Variants in BRWD1 observed in about 807,000 individuals in gnomAD.
BRWD1 encodes bromodomain and WD repeat-containing protein 1.
A neutral mutation model predicts 251.2 loss-of-function variants in BRWD1; 82 were observed. The observed-to-expected ratio is 0.33, with a 90% CI of 0.27 to 0.39. The LOEUF is 0.39. Among genes scored for constraint, BRWD1 ranks in the 10% least tolerant of loss-of-function variants. BRWD1 has a pLI of 1.00. For missense variants in BRWD1, 2,233 were observed against 2,711.6 expected (o/e 0.82, Z 3.92); for synonymous variants, 918 against 902.8 (o/e 1.02, Z -0.30).
intron 32 of BRWD1, among the ~76,000 whole-genome samples, chr21:39,214,903 C>CA (rs2032819474): frequency 8.3e-6 from 1 of 121,182 alleles, no homozygotes; most frequent in African/African-American, 3.2e-5. Flanking sequence ...TTTCTGGAGA[C>CA]AGAGTTTTGC....
intron 26 of BRWD1, 69 bp downstream of exon 26, chr21:39,229,243 G>T: frequency 2.2e-6 from 3 of 1,346,472 alleles, no homozygotes; most frequent in South Asian, 1.2e-5. Flanking sequence ...GGAAGGGCAT[G>T]CTAATCATTC....
Position 39,279,638 on chromosome 21 carries a change from C to CA in BRWD1, c.932+509dup, listed in dbSNP as rs77282416. The stretch of plus-strand genomic sequence containing the variant: ...TGGGCAACAGAGTGAGACTCCATCT[C>CA]AAAAAAAAAAAAAAAAAAGAAAAAA... On this transcript the variant is annotated intron_variant, in intron 9 of 40. Transcript: ENST00000342449. 7.7e-3 allele frequency among the ~76,000 whole-genome samples: 509 copies of CA among 66,468 alleles called. 2 individuals carry two copies. Among genetic ancestry groups the CA allele is most frequent in the East Asian group, 0.013 (16 of 1,214 alleles). 43.6% of individuals were successfully genotyped at this position (66,468 alleles called of 152,430 possible).
Position 39,190,471 on chromosome 21 carries a change from G to A in BRWD1, c.*5788C>T, listed in dbSNP as rs1302724115. ...AACTCCTAGAATCTTGACATTATTG[G>A]TTGCTGTGGTTGGTGGATAAATCAA... On this transcript the variant is annotated 3_prime_UTR_variant, in exon 41 of 41. Coordinates refer to ENST00000342449, the MANE Select transcript of BRWD1 (RefSeq NM_033656.4). The A allele has an allele frequency of 4.1e-6, 4 of 985,148 alleles. No homozygotes were observed. Among genetic ancestry groups the A allele is most frequent in the Non-Finnish European group, 4.8e-6 (4 of 829,890 alleles). The allele number at this position is 985,148 out of a possible 1,614,324, so 61.0% of individuals were successfully genotyped here.
At chr21:39,227,448 A>G (rs375680217) in intron 27 of BRWD1, among the ~76,000 whole-genome samples, 17 of 152,246 alleles carry the variant, frequency 1.1e-4, no homozygotes, top group African/African-American at 3.9e-4. Context: ...TCAATCATCA[A>G]TTATATCCTG....
intron 40 of BRWD1, 88 bp from the exon 41 acceptor site, chr21:39,197,503 AT>A (rs2031884671): frequency 8.9e-7 from 1 of 1,126,970 alleles, no homozygotes; most frequent in African/African-American, 1.6e-5. Context: ...CAGAATTCGT[AT>A]TAATTTGAAG....
Position 39,187,159 on chromosome 21 carries a change from T to G in BRWD1, c.*9100A>C. ...TTTATAAACATTCAGTAATTTTTTCTTAGCCGCAGCAGAAGCATTTCGATG... is the reference window on the plus strand; with the variant it reads ...TTTATAAACATTCAGTAATTTTTTCGTAGCCGCAGCAGAAGCATTTCGATG... On this transcript the variant is annotated 3_prime_UTR_variant, in exon 41 of 41. Transcript: ENST00000342449. 1 of 1,613,860 alleles carries G rather than the reference T, an allele frequency of 6.2e-7. No individual in the cohort carries two copies. Among genetic ancestry groups the G allele is most frequent in the African/African-American group, 1.3e-5 (1 of 75,028 alleles).
chr21:39,197,428 G>C lies in BRWD1; in HGVS notation c.5654-13C>G, dbSNP rs758919153. On this transcript the variant is annotated splice_polypyrimidine_tract_variant and intron_variant, in intron 40 of 40. Coordinates refer to ENST00000342449, the MANE Select transcript of BRWD1 (RefSeq NM_033656.4). ...TGTGATGCAGAATCTAAAAGTTAAA[G>C]AGCAGATTTCTATTAATCTTTTGTA... 2 of 1,533,340 alleles carry C rather than the reference G, an allele frequency of 1.3e-6. No homozygotes were observed. Among genetic ancestry groups the C allele is most frequent in the African/African-American group, 1.4e-5 (1 of 71,816 alleles). 95.0% of individuals were successfully genotyped at this position (1,533,340 alleles called of 1,614,324 possible).
At chr21:39,245,337 A>G (rs1338266818) in intron 21 of BRWD1, among the ~76,000 whole-genome samples, 2 of 152,168 alleles carry the variant, frequency 1.3e-5, no homozygotes, top group African/African-American at 4.8e-5. Flanking sequence ...TGCATTACTG[A>G]TTAAATTAAT....
intron 3 of BRWD1, 82 bp from the exon 4 acceptor site, chr21:39,312,982 G>GGGCGGGGGGCCGGGGGCA: frequency 2.1e-6 from 2 of 964,526 alleles, no homozygotes; most frequent in Non-Finnish European, 2.6e-6. Context: ...GGCGGGCGGC[G>GGGCGGGGGGCCGGGGGCA]GGCGGCGGGC....
At chr21:39,212,131 G>A (rs185861127) in intron 34 of BRWD1, among the ~76,000 whole-genome samples, 1 of 152,090 alleles carries the variant, frequency 6.6e-6, no homozygotes, top group Admixed American at 6.5e-5. Flanking sequence ...TCCATTCCAA[G>A]CAAATATCCT....
At chr21:39,302,457 T>C (rs2036150235) in intron 4 of BRWD1, among the ~76,000 whole-genome samples, 1 of 152,120 alleles carries the variant, frequency 6.6e-6, no homozygotes, top group Non-Finnish European at 1.5e-5. Context: ...GAAACTTTTA[T>C]AATATGTGGT....
chr21:39,266,821 T>G (rs754562713), intron 15 of BRWD1, among the ~76,000 whole-genome samples: 94 of 152,242 alleles, frequency 6.2e-4, no homozygotes, highest in Non-Finnish European at 1.6e-4. Context: ...GCCTCTTAGC[T>G]GAGCAGTAAG....
In BRWD1 at chr21:39,187,702, CATAT is replaced by C. The variant is rs370116366; in HGVS notation, c.*8553_*8556del. The C allele has an allele frequency of 2.2e-4, 218 of 985,236 alleles. No homozygotes were observed. The African/African-American group carries it at 3.7e-3, about 17-fold the overall frequency. 61.0% of individuals were successfully genotyped at this position (985,236 alleles called of 1,614,324 possible). Reference sequence around the variant, plus strand: ...CATCATAAAGCTGCTAATCTAAAAACATATATATGAGCATTTTACATAATTTGAA... The same window carrying C: ...CATCATAAAGCTGCTAATCTAAAAACATATGAGCATTTTACATAATTTGAA... On this transcript the variant is annotated 3_prime_UTR_variant, in exon 41 of 41. Coordinates refer to ENST00000342449, the MANE Select transcript of BRWD1 (RefSeq NM_033656.4).
At chr21:39,315,603 C>T (rs914885980), upstream of BRWD1, 3 of 151,590 alleles carry the variant, frequency 2.0e-5, no homozygotes, top group Admixed American at 2.0e-4. Context: ...CACTGCACTC[C>T]AGCCTGGGCG....
chr21:39,252,451 A>G (rs2034427274), intron 19 of BRWD1, among the ~76,000 whole-genome samples: 1 of 152,144 alleles, frequency 6.6e-6, no homozygotes, highest in East Asian at 1.9e-4. Context: ...ACAAACTTTT[A>G]TAGTCAGAAA....
At chr21:39,268,213 G>C (rs1287430066) in intron 15 of BRWD1, among the ~76,000 whole-genome samples, 1 of 151,952 alleles carries the variant, frequency 6.6e-6, no homozygotes. Flanking sequence ...GCCGAGGCGG[G>C]TGATCACTTG....
At chr21:39,204,936 G>C (rs1359892178) in intron 37 of BRWD1, among the ~76,000 whole-genome samples, 1 of 152,152 alleles carries the variant, frequency 6.6e-6, no homozygotes, top group Non-Finnish European at 1.5e-5. Context: ...TCTACACAGG[G>C]AGCAGGTGCT....
intron 4 of BRWD1, among the ~76,000 whole-genome samples, chr21:39,301,419 T>G (rs2036108630): frequency 1.3e-5 from 2 of 152,174 alleles, no homozygotes; most frequent in African/African-American, 4.8e-5. Context: ...GCTATCACAC[T>G]GGAAAGACCA....
Position 39,313,499 on chromosome 21 carries a change from C to T in BRWD1, c.-8G>A, listed in dbSNP as rs929128507. 6.6e-6 allele frequency: 8 copies of T among 1,216,546 alleles called. No homozygotes were observed. The South Asian group carries it at 1.0e-4, about 16-fold the overall frequency. The allele number at this position is 1,216,546 out of a possible 1,614,324, so 75.4% of individuals were successfully genotyped here. On this transcript the variant is annotated 5_prime_UTR_variant, in exon 1 of 41. Coordinates refer to ENST00000342449, the MANE Select transcript of BRWD1 (RefSeq NM_033656.4). ...GGACGACGGCTCCGCCATGGCCGGG[C>T]GCGGGGCGGGAGGCGGGAGCGAGCG...
Sources: gnomAD v4.1 joint callset for allele counts (sites outside exome capture counted in the v4.1 genomes callset) on GRCh38, gnomAD v4.1.1 for gene constraint, MANE v1.5 for transcripts, NCBI Gene and HGNC (gene_info 2026-07-23, HGNC 2026-07-21) for gene names.